Variants in ZHX1 observed in about 807,000 individuals in gnomAD.
The protein encoded by ZHX1 is zinc fingers and homeoboxes 1, also known as zinc fingers and homeoboxes protein 1.
A neutral mutation model predicts 61.8 loss-of-function variants in ZHX1; 20 were observed. The ratio of observed to expected loss-of-function variants is 0.32; its 90% confidence interval spans 0.23 to 0.47. The LOEUF (loss-of-function observed/expected upper bound fraction) is 0.47, where lower values mean the gene tolerates loss of function less well. Among genes scored for constraint, ZHX1 ranks in the 20% least tolerant of loss-of-function variants. ZHX1 has a pLI of 1.00. For missense variants in ZHX1, 800 were observed against 1,034.8 expected (o/e 0.77, Z 3.11); for synonymous variants, 318 against 352.6 (o/e 0.90, Z 1.10).
intron 1 of ZHX1, among the ~76,000 whole-genome samples, chr8:123,272,452 G>T (rs1429477033): frequency 1.3e-5 from 2 of 152,094 alleles, no homozygotes; most frequent in Non-Finnish European, 1.5e-5. Flanking sequence ...TCCTGTTACC[G>T]CATTATTGTC....
rs1172450823 is a variant in ZHX1 at position 123,254,914 on chromosome 8, G to T, written c.1033C>A (p.Pro345Thr). ...CTTCTTGCCTCCTCTACTTCCTCGG[G>T]AGTCCAACTAACACCATGTTTTAAA... ...QRLKHGVSWTPEEVEEARRKQ... is the reference protein window; with the variant it reads ...QRLKHGVSWTTEEVEEARRKQ... The change falls in exon 3 of 4, where the codon CCC becomes ACC. Residue 345 changes from proline to threonine, a missense_variant. Pro to Thr is a conservative substitution (Grantham distance 38). Transcript: ENST00000395571. This position sits in a 1 kb window ranked among gnomAD's most constrained non-coding sequence, Gnocchi z 4.1. 3 of 1,614,042 alleles carry T rather than the reference G, an allele frequency of 1.9e-6. No individual in the cohort carries two copies. Among genetic ancestry groups the T allele is most frequent in the Non-Finnish European group, 2.5e-6 (3 of 1,180,032 alleles).
At chr8:123,252,722 C>G (rs921564756) in intron 3 of ZHX1, 1 of 151,916 alleles carries the variant, frequency 6.6e-6, no homozygotes, top group Non-Finnish European at 1.5e-5. Flanking sequence ...TTATAAATTA[C>G]TAAAAAGATA....
chr8:123,250,794 A>G (rs1221475759), intron 3 of ZHX1, among the ~76,000 whole-genome samples: 6 of 152,218 alleles, frequency 3.9e-5, no homozygotes, highest in Admixed American at 6.5e-5. Context: ...TAAGTGAAAA[A>G]TTATTTTACT....
rs1375246942 is a variant in ZHX1 at position 123,253,905 on chromosome 8, C to A, written c.2042G>T (p.Arg681Leu). The part of the protein sequence containing the change: ...QLHMLKSAFV[R>L]TQWPSPEEYD... Reference sequence around the variant, plus strand: ...CTCTTCTGGTGATGGCCACTGTGTCCGGACAAATGCACTCTTAAGCATGTG... The same window carrying A: ...CTCTTCTGGTGATGGCCACTGTGTCAGGACAAATGCACTCTTAAGCATGTG... The change falls in exon 3 of 4, where the codon CGG becomes CTG. Residue 681 changes from arginine (R) to leucine (L), a missense_variant. Physicochemically the swap from Arg to Leu is moderately radical, Grantham distance 102 (BLOSUM62 -2). Coordinates refer to ENST00000395571, the MANE Select transcript of ZHX1 (RefSeq NM_007222.5). 6.2e-7 allele frequency: 1 copy of A among 1,614,088 alleles called. No homozygotes were observed. Among genetic ancestry groups the A allele is most frequent in the Admixed American group, 1.7e-5 (1 of 59,996 alleles).
At chr8:123,274,528 G>GC (rs1826782154), upstream of ZHX1, 1 of 152,138 alleles carries the variant, frequency 6.6e-6, no homozygotes, top group Admixed American at 6.5e-5. Context: ...AGCTCTCCAC[G>GC]CCCAGACCCT....
rs111518833 is a variant in ZHX1 at position 123,258,771 on chromosome 8, A to C, written c.-225-2600T>G. Reference sequence around the variant, plus strand: ...AAGAAAAAATGAATTAGGATCATAAAATATATTTAAATAAATTTTATACCT... The same window carrying C: ...AAGAAAAAATGAATTAGGATCATAACATATATTTAAATAAATTTTATACCT... On this transcript the variant is annotated intron_variant, in intron 2 of 3. Transcript: ENST00000395571. Among the ~76,000 whole-genome samples the C allele has an allele frequency of 1.6e-4, 24 of 152,304 alleles. 1 individual carries two copies. Among genetic ancestry groups the C allele is most frequent in the African/African-American group, 5.8e-4 (24 of 41,574 alleles).
At chr8:123,259,928 G>A (rs1826194374) in intron 2 of ZHX1, among the ~76,000 whole-genome samples, 1 of 152,162 alleles carries the variant, frequency 6.6e-6, no homozygotes, top group Admixed American at 6.5e-5. Flanking sequence ...GGGAGGCCGA[G>A]GCCAGTGGAT....
chr8:123,254,624 C>T lies in ZHX1; in HGVS notation c.1323G>A (p.Lys441=). 3 of 1,614,116 alleles carry T rather than the reference C, an allele frequency of 1.9e-6. No individual in the cohort carries two copies. The highest frequency in any genetic ancestry group is 1.7e-4 in the Middle Eastern group (1 of 6,060). The stretch of plus-strand genomic sequence containing the variant: ...AAGTTGGAACTGCTGCTGTTGCTGG[C>T]TTTGTTTCTGCAGTAGGCTGAGCAG... The part of the protein sequence containing the change: ...VPAAQPTAET[K]PATAAVPTSQ... The change falls in exon 3 of 4, where the codon AAG becomes AAA. Residue 441 remains lysine, a synonymous_variant. Coordinates refer to ENST00000395571, the MANE Select transcript of ZHX1 (RefSeq NM_007222.5). The surrounding 1 kb of genome is among the most constrained non-coding windows in gnomAD (Gnocchi z 4.1).
intron 2 of ZHX1, among the ~76,000 whole-genome samples, chr8:123,258,593 T>A (rs764311278): frequency 6.6e-6 from 1 of 152,158 alleles, no homozygotes; most frequent in African/African-American, 2.4e-5. Flanking sequence ...CAAGTGCATA[T>A]AAGAAGCCTG....
intron 1 of ZHX1, among the ~76,000 whole-genome samples, chr8:123,267,862 G>A (rs541540086): frequency 5.3e-5 from 8 of 152,278 alleles, no homozygotes; most frequent in Middle Eastern, 3.4e-3. Flanking sequence ...TTAGCTGGGC[G>A]TGGTGGCGCA....
intron 2 of ZHX1, among the ~76,000 whole-genome samples, chr8:123,258,365 A>G (rs1826140406): frequency 6.6e-6 from 1 of 152,202 alleles, no homozygotes; most frequent in Non-Finnish European, 1.5e-5. Flanking sequence ...TGCTTCTTGT[A>G]CAGTCTGCAG....
chr8:123,263,788 C>T (rs1205086722), intron 2 of ZHX1, among the ~76,000 whole-genome samples: 5 of 151,756 alleles, frequency 3.3e-5, no homozygotes, highest in African/African-American at 1.2e-4. Context: ...GAGCCGAGAT[C>T]GCGCCACTGC....
At chr8:123,264,879 C>A in intron 2 of ZHX1, among the ~76,000 whole-genome samples, 1 of 147,780 alleles carries the variant, frequency 6.8e-6, no homozygotes, top group East Asian at 2.1e-4. Context: ...TTTTTTACAA[C>A]AATTCTGGGT....
At chr8:123,266,572 CAATT>C (rs1449770375) in intron 2 of ZHX1, among the ~76,000 whole-genome samples, 9 of 151,840 alleles carry the variant, frequency 5.9e-5, no homozygotes, top group South Asian at 2.1e-4. Flanking sequence ...TTATAAAAGC[CAATT>C]AATTAATCAG....
chr8:123,254,328 A>G lies in ZHX1; in HGVS notation c.1619T>C (p.Ile540Thr). 2 of 1,614,148 alleles carry G rather than the reference A, an allele frequency of 1.2e-6. No homozygotes were observed. The highest frequency in any genetic ancestry group is 1.3e-5 in the African/African-American group (1 of 75,050). The change falls in exon 3 of 4, where the codon ATA (isoleucine) becomes ACA (threonine). Residue 540 changes from isoleucine (I) to threonine (T), a missense_variant. Physicochemically the swap from Ile to Thr is moderately conservative, Grantham distance 89. Coordinates refer to ENST00000395571, the MANE Select transcript of ZHX1 (RefSeq NM_007222.5). The surrounding 1 kb of genome is among the most constrained non-coding windows in gnomAD (Gnocchi z 4.1). Reference protein sequence around the residue: ...LNNDSSTTIIIDSSDETTESP... With the variant: ...LNNDSSTTIITDSSDETTESP... ...TTCCGTGGTTTCATCACTGGAGTCT[A>G]TAATAATGGTGGTAGAGGAATCATT...
At chr8:123,261,080 A>G (rs1343528576) in intron 2 of ZHX1, among the ~76,000 whole-genome samples, 1 of 152,194 alleles carries the variant, frequency 6.6e-6, no homozygotes, top group Admixed American at 6.5e-5. Context: ...TTTTGCTAAC[A>G]AAAGTAAGGT....
chr8:123,254,420 T>C lies in ZHX1; in HGVS notation c.1527A>G (p.Lys509=), dbSNP rs1826008812. ...KITGLTKGEI[K]KWFSDTRYNQ... ...TGTACCTTGTGTCACTAAACCATTT[T>C]TTAATCTCTCCTTTCGTCAGGCCTG... is the stretch of plus-strand genomic sequence containing the variant. The change falls in exon 3 of 4, where the codon AAA becomes AAG. Residue 509 remains lysine, a synonymous_variant. Transcript: ENST00000395571. This position sits in a 1 kb window ranked among gnomAD's most constrained non-coding sequence, Gnocchi z 4.1. 3 of 1,614,086 alleles carry C rather than the reference T, an allele frequency of 1.9e-6. No homozygotes were observed. The highest frequency in any genetic ancestry group is 2.2e-5 in the East Asian group (1 of 44,904).
In ZHX1 at chr8:123,253,665, C is replaced by T. The variant is rs777663399; in HGVS notation, c.2282G>A (p.Arg761Lys). ...RGRGRPRGRP[R>K]GSKRINNWDR... The stretch of plus-strand genomic sequence containing the variant: ...CCAGTTGTTAATTCTTTTGCTTCCT[C>T]TAGGCCGCCCACGCGGTCTTCCTCT... The change falls in exon 3 of 4, where the codon AGA (arginine) becomes AAA (lysine). Residue 761 changes from arginine to lysine, a missense_variant. Physicochemically the swap from Arg to Lys is conservative, Grantham distance 26. Transcript: ENST00000395571. The T allele has an allele frequency of 6.2e-7, 1 of 1,614,084 alleles. No homozygotes were observed. Among genetic ancestry groups the T allele is most frequent in the Admixed American group, 1.7e-5 (1 of 60,008 alleles).
intron 2 of ZHX1, among the ~76,000 whole-genome samples, chr8:123,257,863 A>G (rs1179450617): frequency 6.6e-6 from 1 of 152,074 alleles, no homozygotes; most frequent in Non-Finnish European, 1.5e-5. Context: ...GACCCCTACT[A>G]GAGATCACCT....
Sources: gnomAD v4.1 joint callset for allele counts (sites outside exome capture counted in the v4.1 genomes callset) on GRCh38, gnomAD v4.1.1 for gene constraint, Gnocchi (gnomAD v3.1) non-coding constraint, MANE v1.5 for transcripts, NCBI Gene and HGNC (gene_info 2026-07-23, HGNC 2026-07-21) for gene names.